MYH1: variants seen among roughly 807,000 people sequenced by gnomAD.
MYH1 encodes the protein myosin heavy chain 1, also known as myosin-1.
A neutral mutation model predicts 225.6 loss-of-function variants in MYH1; 214 were observed. The observed-to-expected ratio is 0.95, with a 90% CI of 0.85 to 1.06. MYH1 has a LOEUF of 1.06. Among genes scored for constraint, MYH1 ranks in the 50% least tolerant of loss-of-function variants. The pLI is 0.00. For missense variants in MYH1, 2,098 were observed against 2,344.2 expected (o/e 0.89, Z 2.17); for synonymous variants, 774 against 842.3 (o/e 0.92, Z 1.40).
At chr17:10,509,398 T>G (rs2073149322) in intron 15 of MYH1, 87 bp downstream of exon 15, 2 of 1,582,862 alleles carry the variant, frequency 1.3e-6, no homozygotes, top group Non-Finnish European at 1.7e-6. Context: ...GTAGAAATAT[T>G]TAGCCATTGC....
At position 10,514,867 on chromosome 17, in the gene MYH1, C is replaced by T. The variant is rs146341874; in HGVS notation, c.533+1G>A. 77 of 1,611,294 alleles carry T rather than the reference C, an allele frequency of 4.8e-5. No homozygotes were observed. The African/African-American group carries it at 6.7e-4, about 14-fold the overall frequency. ...ATAAATCTCAGAATAGGAATACATA[C>T]GTGATCAAGATAGACTGATTCTCCC... On this transcript the variant is annotated splice_donor_variant, in intron 6 of 39. Coordinates refer to ENST00000226207, the MANE Select transcript of MYH1 (RefSeq NM_005963.4). LOFTEE classifies it high-confidence loss of function.
chr17:10,501,458 C>T lies in MYH1; in HGVS notation c.3390G>A (p.Arg1130=), dbSNP rs746408196. Residue 1130 remains arginine, a synonymous_variant, in exon 27 of 40, where the codon CGG becomes CGA. Transcript: ENST00000226207. The part of the protein sequence containing the change: ...EELEEEIEAE[R]ASRAKAEKQR... ...GCTTCTCTGCTTTGGCCCGGGAGGC[C>T]CGCTCTGCCTCGATTTCCTCCTCCA... 1 of 1,614,106 alleles carries T rather than the reference C, an allele frequency of 6.2e-7. No individual in the cohort carries two copies. Among genetic ancestry groups the T allele is most frequent in the African/African-American group, 1.3e-5 (1 of 74,940 alleles).
intron 28 of MYH1, 73 bp downstream of exon 28, chr17:10,500,552 AT>A (rs2073041919): frequency 6.3e-6 from 10 of 1,599,904 alleles, no homozygotes; most frequent in Non-Finnish European, 7.7e-6. Flanking sequence ...AAGTAAATAA[AT>A]GCAGAGTTTT....
chr17:10,510,960 A>G (rs543889157), intron 14 of MYH1, among the ~76,000 whole-genome samples: 174 of 151,924 alleles, frequency 1.1e-3, no homozygotes, highest in African/African-American at 3.9e-3. Flanking sequence ...AAAAAAAAAA[A>G]AAGAAGCAGC....
chr17:10,503,272 T>C (rs1254223003), intron 22 of MYH1, 24 bp from the exon 23 acceptor site: 1 of 1,601,862 alleles, frequency 6.2e-7, no homozygotes, highest in Admixed American at 1.7e-5. Flanking sequence ...ATAGATATTT[T>C]AGATTTTATG....
chr17:10,511,136 G>A (rs182089369), intron 14 of MYH1, among the ~76,000 whole-genome samples: 25 of 151,404 alleles, frequency 1.7e-4, no homozygotes, highest in South Asian at 2.1e-4. Context: ...CAATCAGTCC[G>A]TACACAGATA....
rs147777035 is a variant in MYH1, at chr17:10,500,145, A to G, written c.3865+481T>C. Among the ~76,000 whole-genome samples, 921 of 152,344 alleles carry G rather than the reference A, an allele frequency of 6.0e-3. 7 individuals carry two copies. Among genetic ancestry groups the G allele is most frequent in the African/African-American group, 0.021 (861 of 41,580 alleles). ...TAAACATTCTTGGACAAGTTGCTTCATCACTACCATAATCCACTGTCTTTA... is the reference window on the plus strand; with the variant it reads ...TAAACATTCTTGGACAAGTTGCTTCGTCACTACCATAATCCACTGTCTTTA... On this transcript the variant is annotated intron_variant, in intron 28 of 39. Transcript: ENST00000226207.
At chr17:10,506,132 AT>A in intron 17 of MYH1, 33 bp from the exon 18 acceptor site, 1 of 1,612,040 alleles carries the variant, frequency 6.2e-7, no homozygotes, top group Non-Finnish European at 8.5e-7. Flanking sequence ...ACTTTAAAAA[AT>A]GTACTGTTTT....
In MYH1 at chr17:10,515,975, T is replaced by TG. The variant is rs763041692; in HGVS notation, c.455dup (p.Pro153ThrfsTer8). ...TGTCAGAGATGGAGAAGATGTGGGG[T>TG]GGGGCCTCCTGGCGCTTTTTGCCTC... On this transcript the variant is annotated frameshift_variant, in exon 5 of 40. Coordinates refer to ENST00000226207, the MANE Select transcript of MYH1 (RefSeq NM_005963.4). LOFTEE classifies it high-confidence loss of function. 1 of 1,614,006 alleles carries TG rather than the reference T, an allele frequency of 6.2e-7. No individual in the cohort carries two copies. The highest frequency in any genetic ancestry group is 8.5e-7 in the Non-Finnish European group (1 of 1,179,992).
In MYH1 at chr17:10,514,181, A is replaced by G. The variant is rs560021207; in HGVS notation, c.534-57T>C. 1.7e-5 allele frequency: 27 copies of G among 1,578,508 alleles called. No homozygotes were observed. The South Asian group carries it at 2.7e-4, about 16-fold the overall frequency. ...CACTGTGACAAATGAAACTACAACTACCTCATGGCTTTGTCTTTATATCTC... is the reference window on the plus strand; with the variant it reads ...CACTGTGACAAATGAAACTACAACTGCCTCATGGCTTTGTCTTTATATCTC... On this transcript the variant is annotated intron_variant, in intron 6 of 39. Transcript: ENST00000226207.
At chr17:10,511,745 C>A (rs542484870) in intron 14 of MYH1, 94 bp downstream of exon 14, 1 of 1,588,912 alleles carries the variant, frequency 6.3e-7, no homozygotes. Context: ...TTTTCATAGA[C>A]CCTTTCCATA....
At position 10,501,845 on chromosome 17, in the gene MYH1, C is replaced by G; in HGVS notation, c.3178G>C (p.Glu1060Gln). Residue 1060 changes from glutamate to glutamine, a missense_variant, in exon 25 of 40, where the codon GAG becomes CAG. By Grantham distance (29) the Glu-to-Gln change is conservative. Transcript: ENST00000226207. ...TCTTGAGCCAATTTTAGGTCTCCCT[C>G]TAGTTTTCTCTTTGCTCTTTCTAGA... Reference protein sequence around the residue: ...MDLERAKRKLEGDLKLAQEST... With the variant: ...MDLERAKRKLQGDLKLAQEST... 1.2e-6 allele frequency: 2 copies of G among 1,613,506 alleles called. No individual in the cohort carries two copies. Among genetic ancestry groups the G allele is most frequent in the Non-Finnish European group, 8.5e-7 (1 of 1,179,606 alleles).
Position 10,496,109 on chromosome 17 carries a change from G to C in MYH1, c.5010C>G (p.Asp1670Glu), listed in dbSNP as rs768768822. The C allele has an allele frequency of 1.2e-6, 2 of 1,613,958 alleles. No homozygotes were observed. The highest frequency in any genetic ancestry group is 2.7e-5 in the African/African-American group (2 of 74,886). ...HLDDALRSQE[D>E]LKEQLAMVER... The stretch of plus-strand genomic sequence containing the variant: ...CCACCATAGCCAGCTGTTCCTTCAG[G>C]TCCTCCTGGCTCCGGAGAGCATCAT... The change falls in exon 35 of 40, where the codon GAC (aspartate) becomes GAG (glutamate). Residue 1670 changes from aspartate to glutamate, a missense_variant. Coordinates refer to ENST00000226207, the MANE Select transcript of MYH1 (RefSeq NM_005963.4).
In MYH1 at chr17:10,502,934, A is replaced by C; in HGVS notation, c.2935-20T>G. On this transcript the variant is annotated intron_variant, in intron 23 of 39. Transcript: ENST00000226207. The stretch of plus-strand genomic sequence containing the variant: ...TTTCACCTACAAAGGTGAAGAAAGC[A>C]GCTTAGTTGCTCTAAAGCACCTTTG... The C allele has an allele frequency of 6.2e-7, 1 of 1,614,186 alleles. No individual in the cohort carries two copies. Among genetic ancestry groups the C allele is most frequent in the Non-Finnish European group, 8.5e-7 (1 of 1,180,042 alleles).
In MYH1 at chr17:10,512,558, G is replaced by A. The variant is rs889824259; in HGVS notation, c.1009-12C>T. ...ATTTCAATGGCACTCTACCATGAGAGATGAGAAGACAAAGATTAGGGCACA... is the reference window on the plus strand; with the variant it reads ...ATTTCAATGGCACTCTACCATGAGAAATGAGAAGACAAAGATTAGGGCACA... On this transcript the variant is annotated splice_polypyrimidine_tract_variant and intron_variant, in intron 11 of 39. Coordinates refer to ENST00000226207, the MANE Select transcript of MYH1 (RefSeq NM_005963.4). The A allele has an allele frequency of 3.1e-6, 5 of 1,613,924 alleles. No homozygotes were observed. The highest frequency in any genetic ancestry group is 2.7e-5 in the African/African-American group (2 of 74,934).
chr17:10,493,431 T>A (rs1210544316), intron 39 of MYH1, among the ~76,000 whole-genome samples: 3 of 152,180 alleles, frequency 2.0e-5, no homozygotes, highest in African/African-American at 7.2e-5. Flanking sequence ...GGAACTCATT[T>A]GTGATATGTA....
intron 14 of MYH1, 124 bp from the exon 15 acceptor site, chr17:10,509,779 T>C: frequency 6.6e-7 from 1 of 1,523,880 alleles, no homozygotes; most frequent in African/African-American, 1.4e-5. Context: ...TACCTATACC[T>C]ACACAATGAA....
Position 10,507,965 on chromosome 17 carries a change from A to G in MYH1, c.1898-9T>C, listed in dbSNP as rs988748815. On this transcript the variant is annotated splice_polypyrimidine_tract_variant and intron_variant, in intron 16 of 39. Transcript: ENST00000226207. ...CTTTCCACCGCCAGCCTCTGAGGGG[A>G]AAAAGAAAGCAATCATAGGACAGCC... 6.2e-7 allele frequency: 1 copy of G among 1,610,280 alleles called. No homozygotes were observed. The highest frequency in any genetic ancestry group is 1.3e-5 in the African/African-American group (1 of 74,764).
In MYH1 at chr17:10,498,633, C is replaced by T; in HGVS notation, c.4174G>A (p.Glu1392Lys). The T allele has an allele frequency of 1.2e-6, 2 of 1,614,028 alleles. No homozygotes were observed. The highest frequency in any genetic ancestry group is 1.7e-6 in the Non-Finnish European group (2 of 1,179,880). The part of the protein sequence containing the change: ...DAIQRTEELE[E>K]AKKKLAQRLQ... Reference sequence around the variant, plus strand: ...ACTAAGTCTGGAACATACTTGGCCTCCTCCAGCTCCTCTGTGCGCTGGATG... The same window carrying T: ...ACTAAGTCTGGAACATACTTGGCCTTCTCCAGCTCCTCTGTGCGCTGGATG... The change falls in exon 30 of 40, where the codon GAG (glutamate) becomes AAG (lysine). Residue 1392 changes from glutamate (E) to lysine (K), a missense_variant. Glu to Lys is a moderately conservative substitution (Grantham distance 56). Coordinates refer to ENST00000226207, the MANE Select transcript of MYH1 (RefSeq NM_005963.4).
Sources: allele counts gnomAD v4.1 joint callset (sites outside exome capture counted in the v4.1 genomes callset), GRCh38; gene constraint gnomAD v4.1.1; transcripts MANE v1.5; gene names NCBI Gene and HGNC (gene_info 2026-07-23, HGNC 2026-07-21).